The following ELAC2 variants were observed in gnomAD, a reference collection of about 807,000 sequenced individuals.
ELAC2 encodes zinc phosphodiesterase ELAC protein 2.
A neutral mutation model predicts 105.2 loss-of-function variants in ELAC2; 92 were observed. The observed-to-expected ratio is 0.87, with a 90% CI of 0.74 to 1.04. The LOEUF (loss-of-function observed/expected upper bound fraction) is 1.04. Ranked by LOEUF, ELAC2 falls within the 50% of genes least tolerant of loss-of-function variation. The pLI, the probability that ELAC2 is intolerant of heterozygous loss-of-function variation, is 0.00. For missense variants in ELAC2, 1,099 were observed against 1,071.7 expected (o/e 1.03, Z -0.36); for synonymous variants, 468 against 409.1 (o/e 1.14, Z -1.74).
intron 10 of ELAC2, 145 bp downstream of exon 10, chr17:13,005,608 G>A: frequency 4.9e-6 from 4 of 810,656 alleles, no homozygotes; most frequent in Admixed American, 3.8e-5. Context: ...AGATAAAAGA[G>A]GCCATTTTAT....
chr17:12,994,392 T>C (rs2040360212), intron 22 of ELAC2, 33 bp downstream of exon 22: 2 of 1,611,704 alleles, frequency 1.2e-6, no homozygotes, highest in Non-Finnish European at 1.7e-6. Flanking sequence ...AGGGAGAGGA[T>C]GTGGGCGACA....
chr17:13,005,152 A>C (rs200724505), intron 10 of ELAC2, 51 bp from the exon 11 acceptor site: 154 of 1,320,104 alleles, frequency 1.2e-4, no homozygotes, highest in Non-Finnish European at 1.5e-4. Flanking sequence ...CAGCCACCAA[A>C]CTGAACTGCC....
rs757313871 is a variant in ELAC2, at chr17:12,994,791, T to C, written c.2002A>G (p.Met668Val). 1.2e-6 allele frequency: 2 copies of C among 1,614,012 alleles called. No homozygotes were observed. The highest frequency in any genetic ancestry group is 2.2e-5 in the East Asian group (1 of 44,882). The change falls in exon 21 of 24, where the codon ATG (methionine) becomes GTG (valine). Residue 668 changes from methionine (M) to valine (V), a missense_variant. By Grantham distance (21) the Met-to-Val change is conservative. Transcript: ENST00000338034. ...ATCCGGACCAGAGCCTCGCAGGGCATGGTGTCCCCGGAATAGACCACTTTC... is the reference window on the plus strand; with the variant it reads ...ATCCGGACCAGAGCCTCGCAGGGCACGGTGTCCCCGGAATAGACCACTTTC... ...GWKVVYSGDT[M>V]PCEALVRMGK...
In ELAC2 at chr17:13,002,295, C is replaced by A; in HGVS notation, c.1283G>T (p.Arg428Leu). 1 of 1,614,142 alleles carries A rather than the reference C, an allele frequency of 6.2e-7. No individual in the cohort carries two copies. The highest frequency in any genetic ancestry group is 8.5e-7 in the Non-Finnish European group (1 of 1,180,026). Residue 428 changes from arginine to leucine, a missense_variant, in exon 14 of 24, where the codon CGT becomes CTT. By Grantham distance (102) the Arg-to-Leu change is moderately radical. Transcript: ENST00000338034. ...AGACCTCTGCCACTCCCTCCTGGGACGGAGCTGGTACTTGAGGAGGCATTC... is the reference window on the plus strand; with the variant it reads ...AGACCTCTGCCACTCCCTCCTGGGAAGGAGCTGGTACTTGAGGAGGCATTC... ...QGECLLKYQL[R>L]PRREWQRDAI...
rs750042259 is a variant in ELAC2, at chr17:13,017,096, C to T, written c.271G>A (p.Val91Ile). Residue 91 changes from valine to isoleucine, a missense_variant, in exon 2 of 24, where the codon GTT (valine) becomes ATT (isoleucine). By Grantham distance (29) the Val-to-Ile change is conservative. Coordinates refer to ENST00000338034, the MANE Select transcript of ELAC2 (RefSeq NM_018127.7). ...TTGTGCTCCTGCATGAGTCTCTGAA[C>T]GCCTTCTCCACAGTTGAAGAGATAC... The part of the protein sequence containing the change: ...NRYLFNCGEG[V>I]QRLMQEHKLK... 30 of 1,613,888 alleles carry T rather than the reference C, an allele frequency of 1.9e-5. No homozygotes were observed. Among genetic ancestry groups the T allele is most frequent in the Middle Eastern group, 3.3e-4 (2 of 6,084 alleles).
intron 17 of ELAC2, chr17:12,996,185 G>T (rs2040459690): frequency 2.9e-6 from 2 of 685,884 alleles, no homozygotes; most frequent in African/African-American, 3.6e-5. Context: ...ACCCGTGCTG[G>T]GAAGAGGGCA....
In ELAC2 at chr17:13,004,418, AAG is replaced by A. The variant is rs369463382; in HGVS notation, c.983+569_983+570del. ...ACAGGAAAAATACAGGTAAACCATT[AAG>A]AGTGGGGGAAAAGATTCAAACTCAG... On this transcript the variant is annotated intron_variant, in intron 11 of 23. Coordinates refer to ENST00000338034, the MANE Select transcript of ELAC2 (RefSeq NM_018127.7). Among the ~76,000 whole-genome samples the A allele has an allele frequency of 3.3e-4, 51 of 152,376 alleles. 1 individual carries two copies. The South Asian group carries it at 0.011, about 32-fold the overall frequency.
intron 16 of ELAC2, among the ~76,000 whole-genome samples, chr17:12,997,099 T>G (rs148796002): frequency 6.6e-6 from 1 of 152,170 alleles, no homozygotes; most frequent in African/African-American, 2.4e-5. Context: ...GCCATCGGAC[T>G]TTTCCCCCTT....
intron 19 of ELAC2, 23 bp downstream of exon 19, chr17:12,995,680 G>A (rs754329762): frequency 3.1e-6 from 5 of 1,592,820 alleles, no homozygotes; most frequent in African/African-American, 1.3e-5. Context: ...AGCCCAGCGG[G>A]CCAGGCTGCC....
Position 13,003,589 on chromosome 17 carries a change from G to A in ELAC2, c.984-15C>T. On this transcript the variant is annotated splice_polypyrimidine_tract_variant and intron_variant, in intron 11 of 23. Coordinates refer to ENST00000338034, the MANE Select transcript of ELAC2 (RefSeq NM_018127.7). Reference sequence around the variant, plus strand: ...TTCCTTGGTACCTGGGCAGAAGAGTGGGGCTTTACAAAGTGATGCAGACTC... The same window carrying A: ...TTCCTTGGTACCTGGGCAGAAGAGTAGGGCTTTACAAAGTGATGCAGACTC... 1 of 1,612,012 alleles carries A rather than the reference G, an allele frequency of 6.2e-7. No individual in the cohort carries two copies. Among genetic ancestry groups the A allele is most frequent in the East Asian group, 2.2e-5 (1 of 44,872 alleles).
intron 14 of ELAC2, chr17:13,000,487 A>G: frequency 1.6e-6 from 1 of 606,782 alleles, no homozygotes. Flanking sequence ...TCAACGGGGA[A>G]CTACTGATGC....
chr17:12,993,086 G>A lies in ELAC2; in HGVS notation c.2254-41C>T, dbSNP rs969148799. 5 of 1,584,650 alleles carry A rather than the reference G, an allele frequency of 3.2e-6. No individual in the cohort carries two copies. The African/African-American group carries it at 6.7e-5, about 21-fold the overall frequency. ...GAAGACAAGGACATGTCTCAGAGGG[G>A]CAGGGGTGGGGGACAGGAGCTGGAA... On this transcript the variant is annotated intron_variant, in intron 23 of 23. Coordinates refer to ENST00000338034, the MANE Select transcript of ELAC2 (RefSeq NM_018127.7).
At chr17:12,995,656 C>A (rs371454601) in intron 19 of ELAC2, 47 bp downstream of exon 19, 2 of 1,548,562 alleles carry the variant, frequency 1.3e-6, no homozygotes, top group East Asian at 2.4e-5. Flanking sequence ...CTGAAGGAGA[C>A]GGCAGCAAGC....
chr17:13,000,023 G>T, intron 15 of ELAC2, 133 bp downstream of exon 15: 1 of 783,258 alleles, frequency 1.3e-6, no homozygotes, highest in South Asian at 1.5e-5. Context: ...ATGTAGAGCT[G>T]AGTAGAGAAG....
rs1248976677 is a variant in ELAC2, at chr17:13,017,817, T to C, written c.131A>G (p.Glu44Gly). The C allele has an allele frequency of 1.3e-6, 2 of 1,599,976 alleles. No homozygotes were observed. Among genetic ancestry groups the C allele is most frequent in the South Asian group, 2.2e-5 (2 of 89,502 alleles). The change falls in exon 1 of 24, where the codon GAG (glutamate) becomes GGG (glycine). Residue 44 changes from glutamate (E) to glycine (G), a missense_variant. Glu to Gly is a moderately conservative substitution (Grantham distance 98). Coordinates refer to ENST00000338034, the MANE Select transcript of ELAC2 (RefSeq NM_018127.7). ...GGAGCACCCCGACGGTCCGCGCTTC[T>C]CTCGCGTGCGCAGGTGCCGCAGCGG... ...KDPLRHLRTR[E>G]KRGPSGCSGG...
At chr17:13,002,683 C>G (rs942427220) in intron 12 of ELAC2, 104 bp from the exon 13 acceptor site, 24 of 1,528,916 alleles carry the variant, frequency 1.6e-5, no homozygotes, top group Non-Finnish European at 1.8e-6. Context: ...GGTGTTCAAA[C>G]AGTTCAGTGA....
At chr17:13,000,842 T>C in intron 14 of ELAC2, 1 of 171,998 alleles carries the variant, frequency 5.8e-6, no homozygotes, top group Admixed American at 5.5e-5. Context: ...TCGCTGAGCA[T>C]TAAAATCATC....
chr17:13,011,912 T>TA, intron 6 of ELAC2, 130 bp from the exon 7 acceptor site: 1 of 1,426,616 alleles, frequency 7.0e-7, no homozygotes, highest in Non-Finnish European at 9.6e-7. Flanking sequence ...CAGTAGGAAA[T>TA]AACTAGTTAG....
chr17:13,008,027 C>A (rs2041205470), intron 8 of ELAC2, among the ~76,000 whole-genome samples: 1 of 152,068 alleles, frequency 6.6e-6, no homozygotes, highest in African/African-American at 2.4e-5. Flanking sequence ...ATGGCGAAAC[C>A]CTGTGTCTAC....
Sources: allele counts gnomAD v4.1 joint callset (sites outside exome capture counted in the v4.1 genomes callset), GRCh38; gene constraint gnomAD v4.1.1; transcripts MANE v1.5; gene names NCBI Gene and HGNC (gene_info 2026-07-23, HGNC 2026-07-21).